Variants in LSAMP observed in about 807,000 individuals in gnomAD.
LSAMP encodes limbic system associated membrane protein.
A neutral mutation model predicts 38.6 loss-of-function variants in LSAMP; 7 were observed. The observed-to-expected ratio is 0.18, with a 90% CI of 0.10 to 0.34. The LOEUF (loss-of-function observed/expected upper bound fraction) is 0.34, where lower values mean the gene tolerates loss of function less well. LSAMP is among the 10% of genes least tolerant of loss of function. LSAMP has a pLI of 1.00. For synonymous variants in LSAMP, 154 were observed against 166.8 expected (o/e 0.92, Z 0.59); for missense variants, 313 against 420.0 (o/e 0.75, Z 2.23).
intron 1 of LSAMP, among the ~76,000 whole-genome samples, chr3:116,408,742 G>T (rs1482031016): frequency 6.6e-6 from 1 of 152,024 alleles, no homozygotes; most frequent in African/African-American, 2.4e-5. Context: ...ATGCTTTTCT[G>T]TCACACCAAG....
chr3:116,001,531 AGT>A (rs1457070752), intron 3 of LSAMP, among the ~76,000 whole-genome samples: 6 of 152,204 alleles, frequency 3.9e-5, no homozygotes, highest in South Asian at 2.1e-4. Flanking sequence ...ATTATCTTAG[AGT>A]CCTGGAGGTG....
chr3:115,884,661 A>G (rs1936406380), intron 3 of LSAMP, among the ~76,000 whole-genome samples: 1 of 152,010 alleles, frequency 6.6e-6, no homozygotes. Flanking sequence ...GGGAACAGAA[A>G]ACAATGCAAG....
chr3:116,164,040 T>C (rs1709970485), intron 1 of LSAMP, among the ~76,000 whole-genome samples: 1 of 152,166 alleles, frequency 6.6e-6, no homozygotes, highest in African/African-American at 2.4e-5. Flanking sequence ...TTACTGACTT[T>C]CGTTTTGTAT....
intron 1 of LSAMP, among the ~76,000 whole-genome samples, chr3:116,248,182 A>G (rs2046627396): frequency 6.6e-6 from 1 of 152,216 alleles, no homozygotes; most frequent in African/African-American, 2.4e-5. Context: ...TGCACAGGTA[A>G]CTAATTCATT....
intron 6 of LSAMP, among the ~76,000 whole-genome samples, chr3:115,813,605 A>G (rs904849339): frequency 1.1e-4 from 17 of 152,166 alleles, no homozygotes; most frequent in Non-Finnish European, 7.4e-5. Flanking sequence ...GTGTACTTAT[A>G]TGACTTACTC....
At chr3:116,167,045 C>T (rs1271131252) in intron 1 of LSAMP, among the ~76,000 whole-genome samples, 1 of 152,062 alleles carries the variant, frequency 6.6e-6, no homozygotes, top group African/African-American at 2.4e-5. Context: ...CCCGCCTTGG[C>T]CTCCCAAAGT....
At chr3:116,331,411 A>C (rs2047850462) in intron 1 of LSAMP, among the ~76,000 whole-genome samples, 1 of 152,200 alleles carries the variant, frequency 6.6e-6, no homozygotes, top group African/African-American at 2.4e-5. Flanking sequence ...GAAGCTCAAC[A>C]AACTCCAAGT....
At chr3:115,946,090 T>A (rs1938089043) in intron 3 of LSAMP, among the ~76,000 whole-genome samples, 1 of 152,140 alleles carries the variant, frequency 6.6e-6, no homozygotes, top group South Asian at 2.1e-4. Context: ...GACTTCCCAT[T>A]TCTAGGTATG....
At chr3:116,298,689 T>A (rs1233703799) in intron 1 of LSAMP, among the ~76,000 whole-genome samples, 2 of 152,212 alleles carry the variant, frequency 1.3e-5, no homozygotes, top group Non-Finnish European at 2.9e-5. Flanking sequence ...CAAGGCACAG[T>A]TTCACTTTAT....
chr3:116,083,378 AG>A (rs1158896826), intron 2 of LSAMP, among the ~76,000 whole-genome samples: 1 of 152,242 alleles, frequency 6.6e-6, no homozygotes, highest in East Asian at 1.9e-4. Flanking sequence ...TAAATTTAGG[AG>A]GACTTAAAAT....
chr3:116,187,384 T>G (rs1299515916), intron 1 of LSAMP, among the ~76,000 whole-genome samples: 2 of 152,138 alleles, frequency 1.3e-5, no homozygotes, highest in Non-Finnish European at 2.9e-5. Context: ...TCCTGAATTT[T>G]AAACTGCTTT....
At chr3:116,004,729 T>C (rs1940107601) in intron 3 of LSAMP, among the ~76,000 whole-genome samples, 1 of 151,994 alleles carries the variant, frequency 6.6e-6, no homozygotes, top group African/African-American at 2.4e-5. Flanking sequence ...GAAAGGTCAA[T>C]AGGGAAACAA....
chr3:115,860,998 G>A (rs971893390), intron 3 of LSAMP, among the ~76,000 whole-genome samples: 1 of 152,084 alleles, frequency 6.6e-6, no homozygotes, highest in Non-Finnish European at 1.5e-5. Context: ...ACAGGGTACT[G>A]AGTACAATGG....
chr3:116,263,990 C>T lies in LSAMP; in HGVS notation c.156-177434G>A, dbSNP rs185485630. ...AGTACAGAACATCTCCTAGAGGCTTCGTCTGAAAGTGATATTGTGCTGCTT... is the reference window on the plus strand; with the variant it reads ...AGTACAGAACATCTCCTAGAGGCTTTGTCTGAAAGTGATATTGTGCTGCTT... On this transcript the variant is annotated intron_variant, in intron 1 of 6. Coordinates refer to ENST00000490035, the MANE Select transcript of LSAMP (RefSeq NM_002338.5). 1.1e-4 allele frequency among the ~76,000 whole-genome samples: 16 copies of T among 152,188 alleles called. No homozygotes were observed. In the East Asian group the frequency reaches 2.9e-3, roughly 28 times the overall value.
intron 3 of LSAMP, among the ~76,000 whole-genome samples, chr3:115,887,797 C>A (rs1936493714): frequency 6.6e-6 from 1 of 151,818 alleles, no homozygotes; most frequent in African/African-American, 2.4e-5. Context: ...AGCAGGCGAC[C>A]TTGGGGAGAT....
chr3:115,884,649 CG>C (rs1465433648), intron 3 of LSAMP, among the ~76,000 whole-genome samples: 3 of 151,800 alleles, frequency 2.0e-5, no homozygotes, highest in Non-Finnish European at 4.4e-5. Context: ...TTGCAAATAT[CG>C]GGGAACAGAA....
At chr3:116,377,497 T>G (rs2048508915) in intron 1 of LSAMP, among the ~76,000 whole-genome samples, 2 of 152,070 alleles carry the variant, frequency 1.3e-5, no homozygotes, top group Admixed American at 1.3e-4. Flanking sequence ...GCATTTGGGT[T>G]GATTCCATGT....
At chr3:116,248,742 G>A (rs770937891) in intron 1 of LSAMP, among the ~76,000 whole-genome samples, 22 of 152,056 alleles carry the variant, frequency 1.4e-4, no homozygotes, top group Non-Finnish European at 3.1e-4. Context: ...TCTTAAGCAA[G>A]AAGCCAGGCC....
chr3:116,071,064 T>G (rs1707592929), intron 2 of LSAMP, among the ~76,000 whole-genome samples: 1 of 146,316 alleles, frequency 6.8e-6, no homozygotes, highest in South Asian at 2.1e-4. Context: ...AATAAATAAA[T>G]AAATAAATAA....
Sources: gnomAD v4.1 joint callset for allele counts (sites outside exome capture counted in the v4.1 genomes callset) on GRCh38, gnomAD v4.1.1 for gene constraint, MANE v1.5 for transcripts, NCBI Gene and HGNC (gene_info 2026-07-23, HGNC 2026-07-21) for gene names.